EYS: variants seen among roughly 807,000 people sequenced by gnomAD.
The protein encoded by EYS is protein eyes shut homolog.
EYS carries 250 observed loss-of-function variants against 282.1 expected under a neutral mutation model. The ratio of observed to expected loss-of-function variants is 0.89; its 90% confidence interval spans 0.80 to 0.98. The LOEUF is 0.98. Among genes scored for constraint, EYS ranks in the 50% least tolerant of loss-of-function variants. EYS has a pLI of 0.00. For synonymous variants in EYS, 1,355 were observed against 1,282.9 expected (o/e 1.06, Z -1.20); for missense variants, 4,016 against 3,709.0 (o/e 1.08, Z -2.15).
chr6:64,782,915 A>C (rs925057308), intron 22 of EYS, among the ~76,000 whole-genome samples: 1 of 152,232 alleles, frequency 6.6e-6, no homozygotes, highest in African/African-American at 2.4e-5. Context: ...TTGGCTTTCC[A>C]TAGTTTAAAT....
intron 13 of EYS, among the ~76,000 whole-genome samples, chr6:65,013,394 A>G (rs1474886671): frequency 6.6e-6 from 1 of 152,174 alleles, no homozygotes; most frequent in Non-Finnish European, 1.5e-5. Flanking sequence ...GCACTGTGCT[A>G]GACGCGGGAG....
chr6:65,357,024 A>G (rs1764511397), intron 8 of EYS, among the ~76,000 whole-genome samples: 1 of 151,996 alleles, frequency 6.6e-6, no homozygotes, highest in South Asian at 2.1e-4. Flanking sequence ...TGCATAAAAC[A>G]TTTAACTTAA....
Position 65,356,865 on chromosome 6 carries a change from C to G in EYS, c.1300-3248G>C, listed in dbSNP as rs531183664. ...ATAGGTCTATCTCTGATTCTGACCT[C>G]TCATTTATACCTTGTGTGTTCATGT... On this transcript the variant is annotated intron_variant, in intron 8 of 42. Transcript: ENST00000503581. 2.6e-5 allele frequency among the ~76,000 whole-genome samples: 4 copies of G among 152,114 alleles called. No individual in the cohort carries two copies. The South Asian group carries it at 8.3e-4, about 32-fold the overall frequency.
chr6:64,864,258 A>G (rs1199398995), intron 19 of EYS, among the ~76,000 whole-genome samples: 2 of 151,976 alleles, frequency 1.3e-5, no homozygotes, highest in African/African-American at 4.8e-5. Flanking sequence ...CCCCCTTGGT[A>G]CTGGCTAAAT....
At chr6:65,520,747 C>T (rs938511634) in intron 2 of EYS, among the ~76,000 whole-genome samples, 1 of 151,858 alleles carries the variant, frequency 6.6e-6, no homozygotes, top group Non-Finnish European at 1.5e-5. Context: ...TATGTCTATC[C>T]TATTTACAGG....
intron 12 of EYS, among the ~76,000 whole-genome samples, chr6:65,153,472 C>A (rs539338098): frequency 8.6e-5 from 13 of 150,810 alleles, no homozygotes; most frequent in South Asian, 6.3e-4. Context: ...TTATGCCTAT[C>A]TTCAAACATT....
intron 11 of EYS, chr6:65,331,858 C>T: frequency 5.3e-6 from 2 of 380,234 alleles, no homozygotes; most frequent in Non-Finnish European, 7.2e-6. Context: ...TGCTGAATAA[C>T]ATTTCATTGT....
intron 22 of EYS, among the ~76,000 whole-genome samples, chr6:64,629,354 A>C (rs1227053528): frequency 6.6e-6 from 1 of 152,116 alleles, no homozygotes; most frequent in Non-Finnish European, 1.5e-5. Flanking sequence ...ACACCTCTTT[A>C]AAGGAGAAGT....
At chr6:65,702,624 G>A (rs1769718979) in intron 1 of EYS, among the ~76,000 whole-genome samples, 1 of 152,096 alleles carries the variant, frequency 6.6e-6, no homozygotes, top group Non-Finnish European at 1.5e-5. Flanking sequence ...CCTGGGAGGT[G>A]GTGGTTGCAG....
rs186898155 is a variant in EYS, at chr6:64,847,967, T to C, written c.2993-25145A>G. Among the ~76,000 whole-genome samples, 111 of 152,214 alleles carry C rather than the reference T, an allele frequency of 7.3e-4. 1 individual carries two copies. The highest frequency in any genetic ancestry group is 6.6e-3 in the Admixed American group (101 of 15,258). Reference sequence around the variant, plus strand: ...TTGTGACAATGTATTTTCCTTTGAATCTGAATATGTGTGCCATTCTGTTTT... The same window carrying C: ...TTGTGACAATGTATTTTCCTTTGAACCTGAATATGTGTGCCATTCTGTTTT... On this transcript the variant is annotated intron_variant, in intron 19 of 42. Transcript: ENST00000503581.
intron 22 of EYS, among the ~76,000 whole-genome samples, chr6:64,798,526 C>A (rs1288419593): frequency 6.7e-6 from 1 of 150,054 alleles, no homozygotes; most frequent in African/African-American, 2.4e-5. Context: ...TAGTTCTGTG[C>A]ATATTAATTC....
At chr6:63,722,537 A>G (rs1427936378) in intron 42 of EYS, among the ~76,000 whole-genome samples, 1 of 152,212 alleles carries the variant, frequency 6.6e-6, no homozygotes, top group Non-Finnish European at 1.5e-5. Context: ...TTCAGAAGAA[A>G]AGTAAAGGCA....
intron 33 of EYS, among the ~76,000 whole-genome samples, chr6:64,031,844 C>T (rs1007012608): frequency 2.7e-4 from 41 of 152,252 alleles, no homozygotes; most frequent in Admixed American, 1.6e-3. Flanking sequence ...ACAGACCACT[C>T]GGCTCTACCA....
At chr6:65,219,340 A>G (rs537150796) in intron 12 of EYS, among the ~76,000 whole-genome samples, 15 of 152,280 alleles carry the variant, frequency 9.9e-5, no homozygotes, top group African/African-American at 3.4e-4. Context: ...GGAAAAATAG[A>G]GAAAATTGGT....
Position 65,344,039 on chromosome 6 carries a change from T to C in EYS, c.1598A>G (p.Glu533Gly), listed in dbSNP as rs1770298542. Residue 533 changes from glutamate to glycine, a missense_variant and splice_region_variant, in exon 10 of 43, where the codon GAG (glutamate) becomes GGG (glycine). Glu to Gly is a moderately conservative substitution (Grantham distance 98). Coordinates refer to ENST00000503581, the MANE Select transcript of EYS (RefSeq NM_001142800.2). ...SCWFPHEGTK[E>G]ICANGCSCLS... Reference sequence around the variant, plus strand: ...AGCAACTACATAAAATTACCTTACCTCTTTTGTGCCTTCATGTGGGAACCA... The same window carrying C: ...AGCAACTACATAAAATTACCTTACCCCTTTTGTGCCTTCATGTGGGAACCA... The C allele has an allele frequency of 6.2e-7, 1 of 1,609,762 alleles. No individual in the cohort carries two copies. Among genetic ancestry groups the C allele is most frequent in the Non-Finnish European group, 8.5e-7 (1 of 1,177,336 alleles).
chr6:64,086,913 G>A (rs1772174851), intron 31 of EYS, among the ~76,000 whole-genome samples: 1 of 152,154 alleles, frequency 6.6e-6, no homozygotes, highest in African/African-American at 2.4e-5. Flanking sequence ...CACTTATGGA[G>A]CAGAAGGTTT....
chr6:65,608,547 T>C (rs973381443), intron 2 of EYS, among the ~76,000 whole-genome samples: 2 of 152,008 alleles, frequency 1.3e-5, no homozygotes, highest in South Asian at 2.1e-4. Context: ...AAAATATATT[T>C]CATTTTTTCA....
chr6:64,165,172 T>C (rs1374384325), intron 31 of EYS, among the ~76,000 whole-genome samples: 2 of 152,030 alleles, frequency 1.3e-5, no homozygotes. Context: ...TATACCTCAA[T>C]AAATCTGTTA....
chr6:65,423,225 G>A (rs898564353), intron 5 of EYS, among the ~76,000 whole-genome samples: 2 of 151,774 alleles, frequency 1.3e-5, no homozygotes, highest in Non-Finnish European at 2.9e-5. Context: ...ATCTGAGAAC[G>A]CTGGCAACAT....
Sources: allele counts gnomAD v4.1 joint callset (sites outside exome capture counted in the v4.1 genomes callset), GRCh38; gene constraint gnomAD v4.1.1; transcripts MANE v1.5; gene names NCBI Gene and HGNC (gene_info 2026-07-23, HGNC 2026-07-21).